ATP13A4: variants seen among roughly 807,000 people sequenced by gnomAD.
The protein encoded by ATP13A4 is probable cation-transporting ATPase 13A4.
ATP13A4 carries 114 observed loss-of-function variants against 142.5 expected under a neutral mutation model. The ratio of observed to expected loss-of-function variants is 0.80; its 90% CI spans 0.69 to 0.93. ATP13A4 has a LOEUF of 0.93. Among genes scored for constraint, ATP13A4 ranks in the 40% least tolerant of loss-of-function variants. The pLI, the probability that ATP13A4 is intolerant of heterozygous loss-of-function variation, is 0.00. For synonymous variants in ATP13A4, 488 were observed against 514.8 expected (o/e 0.95, Z 0.70); for missense variants, 1,392 against 1,454.0 (o/e 0.96, Z 0.69).
chr3:193,448,118 G>A, intron 18 of ATP13A4, 88 bp downstream of exon 18: 2 of 1,550,738 alleles, frequency 1.3e-6, no homozygotes, highest in Non-Finnish European at 8.8e-7. Flanking sequence ...GCCCAGAGTA[G>A]GTAGTCAACA....
At chr3:193,547,380 A>G (rs1406283433) in intron 1 of ATP13A4, among the ~76,000 whole-genome samples, 1 of 152,210 alleles carries the variant, frequency 6.6e-6, no homozygotes, top group African/African-American at 2.4e-5. Flanking sequence ...AATCATTCTG[A>G]CCAAATCCAG....
rs1560291014 is a variant in ATP13A4, at chr3:193,582,704, T to TAATATATATGTATAATACATATATAA, written n.92-799_92-798insTTATATATGTATTATACATATATATT. Among the ~76,000 whole-genome samples the TAATATATATGTATAATACATATATAA allele has an allele frequency of 6.9e-5, 4 of 57,686 alleles. 1 individual carries two copies. Among genetic ancestry groups the TAATATATATGTATAATACATATATAA allele is most frequent in the Admixed American group, 2.2e-4 (1 of 4,462 alleles). 37.8% of individuals were successfully genotyped at this position (57,686 alleles called of 152,430 possible). A position where few individuals can be genotyped will look rare whatever the true frequency, so the allele number is the denominator to read the frequency against. On this transcript the variant is annotated intron_variant and non_coding_transcript_variant, in intron 1 of 3. Coordinates refer to the ATP13A4 transcript ENST00000489140. ...ATATTATATATGTGTATAACATATA[T>TAATATATATGTATAATACATATATAA]AATATATATGTATATTACATATATA...
chr3:193,436,393 T>A (rs1305194159), intron 23 of ATP13A4, among the ~76,000 whole-genome samples: 1 of 152,196 alleles, frequency 6.6e-6, no homozygotes, highest in Non-Finnish European at 1.5e-5. Flanking sequence ...AAATGTCACT[T>A]TTATCTTCTA....
chr3:193,414,516 T>C (rs1450481135), intron 26 of ATP13A4, 63 bp downstream of exon 26: 2 of 1,588,926 alleles, frequency 1.3e-6, no homozygotes, highest in Non-Finnish European at 8.6e-7. Context: ...CCCATCATAT[T>C]GGCCAGAGGA....
At chr3:193,502,283 G>A (rs1720592552) in intron 3 of ATP13A4, among the ~76,000 whole-genome samples, 1 of 152,134 alleles carries the variant, frequency 6.6e-6, no homozygotes, top group South Asian at 2.1e-4. Flanking sequence ...TTTTGTAGAT[G>A]AGAAAACAGG....
chr3:193,569,037 G>T (rs1577084234), intron 2 of ATP13A4, among the ~76,000 whole-genome samples: 2 of 152,322 alleles, frequency 1.3e-5, no homozygotes, highest in South Asian at 4.1e-4. Flanking sequence ...TCCTTCTAAA[G>T]AGTATAGTAT....
In ATP13A4 at chr3:193,457,438, G is replaced by A. The variant is rs757205548; in HGVS notation, c.1702C>T (p.His568Tyr). 1 of 1,614,150 alleles carries A rather than the reference G, an allele frequency of 6.2e-7. No individual in the cohort carries two copies. Among genetic ancestry groups the A allele is most frequent in the Non-Finnish European group, 8.5e-7 (1 of 1,180,014 alleles). ...GCATGTGCCGGCACTCCCTTGATGTGGAAATCGTCCCCAGAAAAAGCCATT... is the reference window on the plus strand; with the variant it reads ...GCATGTGCCGGCACTCCCTTGATGTAGAAATCGTCCCCAGAAAAAGCCATT... Reference protein sequence around the residue: ...WEMAFSGDDFHIKGVPAHAMV... With the variant: ...WEMAFSGDDFYIKGVPAHAMV... The change falls in exon 15 of 30, where the codon CAC (histidine) becomes TAC (tyrosine). Residue 568 changes from histidine (H) to tyrosine (Y), a missense_variant. Transcript: ENST00000342695.
rs912514271 is a variant in ATP13A4 at position 193,466,354 on chromosome 3, A to G, written c.1115-172T>C. The stretch of plus-strand genomic sequence containing the variant: ...CATAAATGCTGGAACGGAAATCTCT[A>G]TCTCAGAGCCCAGTACTCTCTCTGG... On this transcript the variant is annotated intron_variant, in intron 10 of 29. Coordinates refer to ENST00000342695, the MANE Select transcript of ATP13A4 (RefSeq NM_032279.4). 4.6e-5 allele frequency among the ~76,000 whole-genome samples: 7 copies of G among 152,318 alleles called. No individual in the cohort carries two copies. The East Asian group carries it at 1.2e-3, about 25-fold the overall frequency.
At chr3:193,540,936 A>G (rs1287918860) in intron 1 of ATP13A4, among the ~76,000 whole-genome samples, 4 of 152,154 alleles carry the variant, frequency 2.6e-5, no homozygotes, top group Non-Finnish European at 4.4e-5. Context: ...TTATTCATTG[A>G]ACATGTTTCA....
At position 193,448,189 on chromosome 3, in the gene ATP13A4, T is replaced by C. The variant is rs1717065183; in HGVS notation, c.2152+17A>G. ...CATCAAATTCTTACTGTTTTCACTG[T>C]ATACTTTGTTTCATACCTGTGATCA... On this transcript the variant is annotated intron_variant, in intron 18 of 29. Coordinates refer to ENST00000342695, the MANE Select transcript of ATP13A4 (RefSeq NM_032279.4). 2 of 1,613,762 alleles carry C rather than the reference T, an allele frequency of 1.2e-6. No homozygotes were observed. Among genetic ancestry groups the C allele is most frequent in the Non-Finnish European group, 1.7e-6 (2 of 1,179,796 alleles).
chr3:193,474,730 GAGAA>G (rs61168716), intron 8 of ATP13A4, among the ~76,000 whole-genome samples: 69,132 of 146,874 alleles, frequency 0.47, 16,343 homozygotes, highest in African/African-American at 0.52. Context: ...GAGAAAGAAA[GAGAA>G]AGAAAGAAAG....
At chr3:193,580,897 T>C (rs1724530269) in intron 2 of ATP13A4, among the ~76,000 whole-genome samples, 1 of 152,214 alleles carries the variant, frequency 6.6e-6, no homozygotes, top group Non-Finnish European at 1.5e-5. Flanking sequence ...AGCAGTGTTG[T>C]GCTGCTCAAA....
rs146138013 is a variant in ATP13A4, at chr3:193,592,598, G to A, written n.91+423C>T. ...CAACAAACTGGTGGGCTTAAAATCC[G>A]GAAGAAACAGTTGAACAAATCATTT... is the stretch of plus-strand genomic sequence containing the variant. On this transcript the variant is annotated intron_variant and non_coding_transcript_variant, in intron 1 of 3. Coordinates refer to the ATP13A4 transcript ENST00000489140. Among the ~76,000 whole-genome samples the A allele has an allele frequency of 2.8e-3, 424 of 152,286 alleles. 3 individuals are homozygous for A. Among genetic ancestry groups the A allele is most frequent in the South Asian group, 0.017 (81 of 4,830 alleles).
chr3:193,503,765 C>A, intron 2 of ATP13A4, among the ~76,000 whole-genome samples: 1 of 152,142 alleles, frequency 6.6e-6, no homozygotes, highest in Admixed American at 6.5e-5. Flanking sequence ...CTCCTTAAGT[C>A]TTTACATGGC....
At chr3:193,552,122 C>T (rs1468288595) in intron 1 of ATP13A4, among the ~76,000 whole-genome samples, 1 of 152,064 alleles carries the variant, frequency 6.6e-6, no homozygotes, top group Non-Finnish European at 1.5e-5. Context: ...TACAGGTGCA[C>T]GCCACCCTGC....
intron 1 of ATP13A4, among the ~76,000 whole-genome samples, chr3:193,527,051 T>A (rs951906624): frequency 2.0e-5 from 3 of 152,172 alleles, no homozygotes; most frequent in African/African-American, 7.2e-5. Flanking sequence ...CAATAACTCT[T>A]AAGACATCAA....
At chr3:193,517,206 A>C (rs1721464297) in intron 1 of ATP13A4, among the ~76,000 whole-genome samples, 1 of 152,360 alleles carries the variant, frequency 6.6e-6, no homozygotes, top group Non-Finnish European at 1.5e-5. Flanking sequence ...AATGTTTGTT[A>C]CATGTCCACC....
At chr3:193,522,240 G>T (rs993144535) in intron 1 of ATP13A4, among the ~76,000 whole-genome samples, 5 of 152,194 alleles carry the variant, frequency 3.3e-5, no homozygotes, top group Non-Finnish European at 7.3e-5. Flanking sequence ...CGACAGAAAA[G>T]CAACTTATCC....
At chr3:193,520,022 G>A (rs1721634917) in intron 1 of ATP13A4, among the ~76,000 whole-genome samples, 1 of 152,128 alleles carries the variant, frequency 6.6e-6, no homozygotes, top group Non-Finnish European at 1.5e-5. Context: ...TTATGTCATA[G>A]TAGGATCAAT....
Sources: gnomAD v4.1 joint callset for allele counts (sites outside exome capture counted in the v4.1 genomes callset) on GRCh38, gnomAD v4.1.1 for gene constraint, MANE v1.5 for transcripts, NCBI Gene and HGNC (gene_info 2026-07-23, HGNC 2026-07-21) for gene names.